FGF12: variants seen among roughly 807,000 people sequenced by gnomAD.
FGF12 encodes the protein fibroblast growth factor 12, also known as fibroblast growth factor 12B.
A neutral mutation model predicts 23.6 loss-of-function variants in FGF12; 14 were observed. That is an observed-to-expected ratio of 0.59 (90% CI 0.39 to 0.93). FGF12 has a LOEUF of 0.93. Among genes scored for constraint, FGF12 ranks in the 40% least tolerant of loss-of-function variants. The pLI is 0.00. For synonymous variants in FGF12, 62 were observed against 77.3 expected, an observed-to-expected ratio of 0.80 and a Z score of 1.04; for missense variants, 175 against 217.8, an observed-to-expected ratio of 0.80 and a Z score of 1.24.
intron 2 of FGF12, among the ~76,000 whole-genome samples, chr3:192,677,928 T>C (rs1350011619): frequency 6.6e-6 from 1 of 152,216 alleles, no homozygotes; most frequent in African/African-American, 2.4e-5. Context: ...CTATATTCTC[T>C]ACAAATAGAA....
chr3:192,298,065 C>T (rs991413100), intron 4 of FGF12, among the ~76,000 whole-genome samples: 4 of 152,142 alleles, frequency 2.6e-5, no homozygotes, highest in Admixed American at 6.5e-5. Flanking sequence ...ATTGTATACC[C>T]GAGACTGAAC....
intron 2 of FGF12, among the ~76,000 whole-genome samples, chr3:192,656,282 C>T (rs1432384355): frequency 3.4e-5 from 1 of 29,790 alleles, no homozygotes; most frequent in East Asian, 3.9e-3. Flanking sequence ...GGTGAAAAGA[C>T]ACACACACAC....
intron 2 of FGF12, among the ~76,000 whole-genome samples, chr3:192,369,352 A>T (rs1022238602): frequency 2.0e-5 from 3 of 152,206 alleles, no homozygotes; most frequent in Non-Finnish European, 4.4e-5. Flanking sequence ...CACTGAACAC[A>T]GTCTGACAAG....
chr3:192,418,032 A>T (rs1030719529), intron 2 of FGF12, among the ~76,000 whole-genome samples: 1 of 152,084 alleles, frequency 6.6e-6, no homozygotes, highest in African/African-American at 2.4e-5. Flanking sequence ...ACAGGAAAAC[A>T]ATCTCATAGG....
intron 2 of FGF12, among the ~76,000 whole-genome samples, chr3:192,436,082 G>A (rs1005653026): frequency 2.0e-5 from 3 of 152,072 alleles, no homozygotes; most frequent in East Asian, 1.9e-4. Context: ...GCCAGGCCTC[G>A]TGCTAGGGGT....
chr3:192,579,143 T>G (rs1400215408), intron 2 of FGF12, among the ~76,000 whole-genome samples: 1 of 152,122 alleles, frequency 6.6e-6, no homozygotes, highest in Non-Finnish European at 1.5e-5. Context: ...AAATACAGGG[T>G]TTCAATGTTA....
At chr3:192,158,958 T>C (rs574841514) in intron 5 of FGF12, among the ~76,000 whole-genome samples, 4 of 151,986 alleles carry the variant, frequency 2.6e-5, no homozygotes, top group African/African-American at 7.2e-5. Context: ...CAGTGTTCTT[T>C]GGTGTCCCTC....
At chr3:192,171,337 C>G (rs1352233954) in intron 4 of FGF12, among the ~76,000 whole-genome samples, 1 of 152,116 alleles carries the variant, frequency 6.6e-6, no homozygotes. Context: ...TCAGAAGAAA[C>G]TGTAAGATCC....
At chr3:192,147,722 C>T (rs1449081530) in intron 5 of FGF12, among the ~76,000 whole-genome samples, 2 of 151,800 alleles carry the variant, frequency 1.3e-5, no homozygotes, top group African/African-American at 2.4e-5. Flanking sequence ...AGTGGCAGGG[C>T]CAGGATGAAT....
intron 2 of FGF12, among the ~76,000 whole-genome samples, chr3:192,700,526 C>T (rs764849547): frequency 3.3e-5 from 5 of 152,186 alleles, no homozygotes; most frequent in African/African-American, 4.8e-5. Flanking sequence ...ACCATATCTC[C>T]TTGTTTTATG....
intron 4 of FGF12, among the ~76,000 whole-genome samples, chr3:192,218,178 A>C (rs1718293356): frequency 6.6e-6 from 1 of 152,144 alleles, no homozygotes; most frequent in Non-Finnish European, 1.5e-5. Context: ...CTATTAATGG[A>C]TCTAAAAAGT....
intron 5 of FGF12, among the ~76,000 whole-genome samples, chr3:192,145,382 C>A (rs1055097622): frequency 1.3e-5 from 2 of 152,184 alleles, no homozygotes; most frequent in African/African-American, 4.8e-5. Flanking sequence ...AAGTGAGAGT[C>A]TCCTGAGACT....
intron 2 of FGF12, among the ~76,000 whole-genome samples, chr3:192,373,551 T>C (rs1370930846): frequency 6.6e-6 from 1 of 152,228 alleles, no homozygotes; most frequent in Middle Eastern, 3.2e-3. Flanking sequence ...AGACAAACTA[T>C]ATTAATACAA....
intron 2 of FGF12, among the ~76,000 whole-genome samples, chr3:192,607,673 A>G (rs773891363): frequency 6.6e-6 from 1 of 151,950 alleles, no homozygotes; most frequent in African/African-American, 2.4e-5. Flanking sequence ...TACTCTTGTT[A>G]CTCTGATGTA....
chr3:192,475,878 T>G (rs11918521), intron 2 of FGF12, among the ~76,000 whole-genome samples: 1 of 152,132 alleles, frequency 6.6e-6, no homozygotes, highest in East Asian at 1.9e-4. Context: ...ATAGATCAGA[T>G]AGATGATAGA....
At chr3:192,322,522 A>C (rs577308574) in intron 4 of FGF12, among the ~76,000 whole-genome samples, 17 of 148,550 alleles carry the variant, frequency 1.1e-4, no homozygotes, top group Middle Eastern at 3.4e-3. Context: ...ACACACACAC[A>C]CCCCAGAATG....
Position 192,277,749 on chromosome 3 carries a change from C to T in FGF12, c.228+57612G>A, listed in dbSNP as rs547994514. Among the ~76,000 whole-genome samples, 7 of 152,196 alleles carry T rather than the reference C, an allele frequency of 4.6e-5. No individual in the cohort carries two copies. The South Asian group carries it at 1.2e-3, about 27-fold the overall frequency. On this transcript the variant is annotated intron_variant, in intron 4 of 5. Coordinates refer to ENST00000445105, the MANE Select transcript of FGF12 (RefSeq NM_004113.6). ...GTCACAGTCCCTGCAGCTCCTATCC[C>T]GTACACATACATTTCCCTGTTTTCT...
chr3:192,177,281 T>C (rs988325196), intron 4 of FGF12, among the ~76,000 whole-genome samples: 1 of 152,228 alleles, frequency 6.6e-6, no homozygotes, highest in African/African-American at 2.4e-5. Context: ...TTAACAGATA[T>C]GAAAGCTCTT....
At chr3:192,519,576 A>G (rs1724764022) in intron 2 of FGF12, among the ~76,000 whole-genome samples, 2 of 152,168 alleles carry the variant, frequency 1.3e-5, no homozygotes, top group Non-Finnish European at 2.9e-5. Flanking sequence ...ATATTGAGGA[A>G]AAAACTTTGA....
Sources: gnomAD v4.1 joint callset for allele counts (sites outside exome capture counted in the v4.1 genomes callset) on GRCh38, gnomAD v4.1.1 for gene constraint, MANE v1.5 for transcripts, NCBI Gene and HGNC (gene_info 2026-07-23, HGNC 2026-07-21) for gene names.